Variants in FCHSD2 observed in about 807,000 individuals in gnomAD.
FCHSD2 encodes F-BAR and double SH3 domains protein 2.
Under a neutral mutation model 108.1 loss-of-function variants are expected in FCHSD2, and 38 were observed. The ratio of observed to expected loss-of-function variants is 0.35; its 90% CI spans 0.27 to 0.46. FCHSD2 has a LOEUF of 0.46. Among genes scored for constraint, FCHSD2 ranks in the 20% least tolerant of loss-of-function variants. FCHSD2 has a pLI of 1.00. For synonymous variants in FCHSD2, 279 were observed against 314.7 expected, an observed-to-expected ratio of 0.89 and a Z score of 1.20; for missense variants, 751 against 897.8, an observed-to-expected ratio of 0.84 and a Z score of 2.09.
At chr11:72,892,763 C>A (rs978114095) in intron 10 of FCHSD2, among the ~76,000 whole-genome samples, 7 of 151,976 alleles carry the variant, frequency 4.6e-5, no homozygotes, top group African/African-American at 1.7e-4. Flanking sequence ...TGCCACCATG[C>A]CCAACTAATT....
chr11:73,130,648 C>G (rs192605891), intron 2 of FCHSD2, among the ~76,000 whole-genome samples: 3 of 152,066 alleles, frequency 2.0e-5, no homozygotes, highest in Non-Finnish European at 1.5e-5. Flanking sequence ...TTACCAAAAC[C>G]CTAATTCTTT....
intron 13 of FCHSD2, among the ~76,000 whole-genome samples, chr11:72,857,862 C>T (rs541382416): frequency 6.6e-6 from 1 of 152,164 alleles, no homozygotes; most frequent in African/African-American, 2.4e-5. Context: ...CTTCATGGCA[C>T]AATCATGAGG....
chr11:73,043,681 CTT>C (rs1482348212), intron 3 of FCHSD2, among the ~76,000 whole-genome samples: 6 of 152,306 alleles, frequency 3.9e-5, no homozygotes. Context: ...TTCCAGCCTC[CTT>C]TAAAATTAGA....
At chr11:72,955,897 T>C (rs1273541603) in intron 8 of FCHSD2, among the ~76,000 whole-genome samples, 1 of 152,214 alleles carries the variant, frequency 6.6e-6, no homozygotes, top group African/African-American at 2.4e-5. Context: ...ATATATTTCC[T>C]AGTTCTGCCC....
At chr11:72,889,757 A>C in intron 11 of FCHSD2, 72 bp downstream of exon 11, 1 of 832,778 alleles carries the variant, frequency 1.2e-6, no homozygotes, top group East Asian at 2.5e-5. Flanking sequence ...TCACATTAAT[A>C]AAACTCAGTT....
At chr11:72,964,822 C>T (rs1320765216) in intron 8 of FCHSD2, among the ~76,000 whole-genome samples, 1 of 138,224 alleles carries the variant, frequency 7.2e-6, no homozygotes, top group Non-Finnish European at 1.5e-5. Context: ...TGGAGTCTTG[C>T]TCTGTTGCCC....
intron 8 of FCHSD2, among the ~76,000 whole-genome samples, chr11:72,957,254 A>G (rs949277829): frequency 2.8e-4 from 39 of 137,452 alleles, no homozygotes; most frequent in African/African-American, 1.0e-3. Context: ...TCATTGTTCA[A>G]TTCCCACCTA....
chr11:72,926,293 C>T (rs895891613), intron 8 of FCHSD2, among the ~76,000 whole-genome samples: 3 of 152,166 alleles, frequency 2.0e-5, no homozygotes, highest in African/African-American at 4.8e-5. Context: ...ACACACACTT[C>T]CTCCATTCTG....
chr11:73,112,775 A>C (rs1860517593), intron 2 of FCHSD2, among the ~76,000 whole-genome samples: 1 of 152,162 alleles, frequency 6.6e-6, no homozygotes, highest in African/African-American at 2.4e-5. Context: ...CAGCCTCCTG[A>C]GTAGCTGGGG....
At chr11:73,042,853 T>C (rs1858673636) in intron 3 of FCHSD2, among the ~76,000 whole-genome samples, 4 of 152,206 alleles carry the variant, frequency 2.6e-5, no homozygotes, top group Admixed American at 2.6e-4. Context: ...CTTTTTCTGC[T>C]AGTTCATTAT....
At chr11:73,103,249 G>A (rs1214445064) in intron 2 of FCHSD2, among the ~76,000 whole-genome samples, 1 of 152,074 alleles carries the variant, frequency 6.6e-6, no homozygotes, top group Non-Finnish European at 1.5e-5. Flanking sequence ...TATGCAAATT[G>A]TCTCAGTAAG....
intron 3 of FCHSD2, among the ~76,000 whole-genome samples, chr11:73,044,395 C>G (rs557468751): frequency 1.3e-5 from 2 of 152,042 alleles, no homozygotes; most frequent in African/African-American, 4.8e-5. Context: ...CTGGGCAACA[C>G]AGTGAGGCCC....
intron 8 of FCHSD2, among the ~76,000 whole-genome samples, chr11:72,978,200 T>A (rs1257406917): frequency 1.3e-5 from 2 of 152,026 alleles, no homozygotes; most frequent in Non-Finnish European, 2.9e-5. Context: ...TTAGGAGATA[T>A]ACCTAATGTA....
Position 73,141,985 on chromosome 11 carries a change from A to G in FCHSD2, c.-108T>C. 1 of 1,143,652 alleles carries G rather than the reference A, an allele frequency of 8.7e-7. No individual in the cohort carries two copies. 70.8% of individuals were successfully genotyped at this position (1,143,652 alleles called of 1,614,324 possible). ...GCCCAGCGAGCGCGCGCGTGTGTGA[A>G]AGGAGCGCTTAAGAAGCAAGACTTG... On this transcript the variant is annotated 5_prime_UTR_variant, in exon 1 of 20. Coordinates refer to ENST00000409418, the MANE Select transcript of FCHSD2 (RefSeq NM_014824.3).
chr11:73,064,130 A>G (rs1859232853), intron 3 of FCHSD2, among the ~76,000 whole-genome samples: 1 of 152,176 alleles, frequency 6.6e-6, no homozygotes, highest in Admixed American at 6.5e-5. Context: ...GGATTAAGAC[A>G]CTCACTCAAA....
intron 3 of FCHSD2, among the ~76,000 whole-genome samples, chr11:73,041,348 A>T (rs1200209899): frequency 6.6e-6 from 1 of 152,148 alleles, no homozygotes; most frequent in East Asian, 1.9e-4. Flanking sequence ...TCCTACCAAC[A>T]ATGTATAAGA....
At chr11:73,006,724 A>G (rs1285051627) in intron 4 of FCHSD2, among the ~76,000 whole-genome samples, 2 of 152,218 alleles carry the variant, frequency 1.3e-5, no homozygotes, top group Admixed American at 1.3e-4. Context: ...ATTGGCATAT[A>G]TGTTTAATTA....
At chr11:72,860,431 T>C (rs1861540427) in intron 13 of FCHSD2, among the ~76,000 whole-genome samples, 2 of 152,224 alleles carry the variant, frequency 1.3e-5, no homozygotes, top group South Asian at 4.1e-4. Flanking sequence ...AGTATGTTAT[T>C]TGACTACAAT....
chr11:73,071,458 G>A (rs1360047993), intron 3 of FCHSD2, among the ~76,000 whole-genome samples: 2 of 151,632 alleles, frequency 1.3e-5, no homozygotes, highest in Admixed American at 6.6e-5. Flanking sequence ...TTGAGAGGTC[G>A]AGGCGGGCAG....
Sources: allele counts gnomAD v4.1 joint callset (sites outside exome capture counted in the v4.1 genomes callset), GRCh38; gene constraint gnomAD v4.1.1; transcripts MANE v1.5; gene names NCBI Gene and HGNC (gene_info 2026-07-23, HGNC 2026-07-21).